The following RAB28 variants were observed in gnomAD, a reference collection of about 807,000 sequenced individuals.
RAB28 encodes the protein RAB28, member RAS oncogene family, also known as ras-related protein Rab-28.
Under a neutral mutation model 31.7 loss-of-function variants are expected in RAB28, and 24 were observed. That is an observed-to-expected ratio of 0.76 (90% CI 0.55 to 1.06). The LOEUF (loss-of-function observed/expected upper bound fraction) is 1.06, where lower values mean the gene tolerates loss of function less well. RAB28 is among the 50% of genes least tolerant of loss of function. The probability of loss-of-function intolerance (pLI) is 0.00; values close to 1 mark genes in which losing one functional copy is unlikely to be tolerated. For synonymous variants in RAB28, 100 were observed against 90.4 expected (o/e 1.11, Z -0.60); for missense variants, 254 against 258.5 (o/e 0.98, Z 0.12).
At chr4:13,432,900 A>C (rs1254874875) in intron 4 of RAB28, among the ~76,000 whole-genome samples, 2 of 152,072 alleles carry the variant, frequency 1.3e-5, no homozygotes, top group Non-Finnish European at 1.5e-5. Flanking sequence ...ACTATGACAA[A>C]AACTGAACCT....
At chr4:13,393,551 A>G (rs904960252) in intron 4 of RAB28, among the ~76,000 whole-genome samples, 4 of 152,172 alleles carry the variant, frequency 2.6e-5, no homozygotes, top group African/African-American at 4.8e-5. Context: ...TTGGATTTAA[A>G]TTACTTTCAT....
At position 13,419,043 on chromosome 4, in the gene RAB28, G is replaced by C. The variant is rs568903032; in HGVS notation, c.392-37449C>G. On this transcript the variant is annotated intron_variant, in intron 4 of 6. Coordinates refer to ENST00000330852, the MANE Select transcript of RAB28 (RefSeq NM_001017979.3). ...GAGACACACATAGGCTCAAAATAAA[G>C]GGATAGAGGAAGATCTGCCAAGTAA... Among the ~76,000 whole-genome samples, 5 of 152,212 alleles carry C rather than the reference G, an allele frequency of 3.3e-5. No individual in the cohort carries two copies. The South Asian group carries it at 1.0e-3, about 32-fold the overall frequency.
chr4:13,376,351 A>G (rs1205780246), intron 6 of RAB28, among the ~76,000 whole-genome samples, 194 bp downstream of exon 6: 2 of 152,116 alleles, frequency 1.3e-5, no homozygotes, highest in South Asian at 2.1e-4. Context: ...TGAGGTTTCA[A>G]GGGTATCATA....
At chr4:13,425,511 A>C (rs1263066570) in intron 4 of RAB28, among the ~76,000 whole-genome samples, 1 of 152,186 alleles carries the variant, frequency 6.6e-6, no homozygotes, top group African/African-American at 2.4e-5. Flanking sequence ...CATCATGAAA[A>C]GGACTCAAGA....
chr4:13,400,368 T>C (rs1288929651), intron 4 of RAB28, among the ~76,000 whole-genome samples: 4 of 152,148 alleles, frequency 2.6e-5, no homozygotes, highest in Non-Finnish European at 5.9e-5. Flanking sequence ...ACAAATACCA[T>C]TTGGAGTTTT....
At chr4:13,482,487 A>T (rs1009299613) in intron 1 of RAB28, among the ~76,000 whole-genome samples, 1 of 152,184 alleles carries the variant, frequency 6.6e-6, no homozygotes, top group South Asian at 2.1e-4. Context: ...TATGAATTGA[A>T]TACAGTAAAA....
intron 4 of RAB28, among the ~76,000 whole-genome samples, chr4:13,431,411 C>T (rs140953500): frequency 1.3e-5 from 2 of 152,298 alleles, no homozygotes; most frequent in East Asian, 1.9e-4. Flanking sequence ...ATTTTCTCAC[C>T]AACCCCATCA....
At chr4:13,450,369 A>T (rs1261737255) in intron 4 of RAB28, among the ~76,000 whole-genome samples, 1 of 151,794 alleles carries the variant, frequency 6.6e-6, no homozygotes, top group East Asian at 1.9e-4. Flanking sequence ...TTCCCAAGGA[A>T]CTCCCTCTGA....
intron 4 of RAB28, among the ~76,000 whole-genome samples, chr4:13,383,944 C>T (rs769518762): frequency 2.6e-5 from 4 of 152,314 alleles, no homozygotes; most frequent in South Asian, 2.1e-4. Context: ...CCTGGCCATA[C>T]TTGCTTGCAG....
intron 4 of RAB28, among the ~76,000 whole-genome samples, chr4:13,441,971 A>G (rs775259161): frequency 2.0e-5 from 3 of 152,248 alleles, no homozygotes; most frequent in Non-Finnish European, 4.4e-5. Context: ...ATGAACAGTA[A>G]AAAAGATAAA....
intron 4 of RAB28, among the ~76,000 whole-genome samples, chr4:13,427,540 T>C (rs1235930771): frequency 6.6e-6 from 1 of 152,096 alleles, no homozygotes; most frequent in Non-Finnish European, 1.5e-5. Flanking sequence ...TAAAAATTAG[T>C]GGAAACACAT....
At chr4:13,398,039 A>G (rs1051843109) in intron 4 of RAB28, among the ~76,000 whole-genome samples, 1 of 151,976 alleles carries the variant, frequency 6.6e-6, no homozygotes. Flanking sequence ...TATTTCCTCA[A>G]TTTCATCAAT....
intron 3 of RAB28, among the ~76,000 whole-genome samples, chr4:13,468,037 AAT>A (rs1715944762): frequency 6.6e-6 from 1 of 151,970 alleles, no homozygotes; most frequent in Non-Finnish European, 1.5e-5. Flanking sequence ...AGACTGGCAT[AAT>A]AAGTCAGTCC....
intron 4 of RAB28, among the ~76,000 whole-genome samples, chr4:13,454,816 T>C (rs1237180560): frequency 1.3e-5 from 2 of 152,200 alleles, no homozygotes; most frequent in African/African-American, 4.8e-5. Context: ...GGGGAGTACC[T>C]GCCAAGGACT....
At chr4:13,430,855 C>G (rs1372946277) in intron 4 of RAB28, among the ~76,000 whole-genome samples, 1 of 152,186 alleles carries the variant, frequency 6.6e-6, no homozygotes, top group Non-Finnish European at 1.5e-5. Context: ...GAGGGAAGAA[C>G]AGCCCACCAA....
chr4:13,407,957 GCAAA>G (rs1199296424), intron 4 of RAB28, among the ~76,000 whole-genome samples: 1 of 152,200 alleles, frequency 6.6e-6, no homozygotes, highest in Admixed American at 6.5e-5. Context: ...CATGTCATCT[GCAAA>G]CAGAGACAAT....
At chr4:13,375,236 T>C (rs1728872556) in intron 6 of RAB28, among the ~76,000 whole-genome samples, 2 of 152,152 alleles carry the variant, frequency 1.3e-5, no homozygotes, top group African/African-American at 4.8e-5. Context: ...ATGATAAAAT[T>C]TCACCTGATC....
intron 4 of RAB28, among the ~76,000 whole-genome samples, chr4:13,436,686 T>C (rs957668704): frequency 6.7e-4 from 102 of 152,158 alleles, no homozygotes; most frequent in African/African-American, 2.3e-3. Context: ...TACAAAACAC[T>C]GCTAAAATAA....
chr4:13,439,615 G>A (rs1714309548), intron 4 of RAB28, among the ~76,000 whole-genome samples: 1 of 152,174 alleles, frequency 6.6e-6, no homozygotes. Flanking sequence ...CCAAAGTGCT[G>A]AGATTACCGG....
Sources: gnomAD v4.1 joint callset for allele counts (sites outside exome capture counted in the v4.1 genomes callset) on GRCh38, gnomAD v4.1.1 for gene constraint, MANE v1.5 for transcripts, NCBI Gene and HGNC (gene_info 2026-07-23, HGNC 2026-07-21) for gene names.